The following RARA variants were observed in gnomAD, a reference collection of about 807,000 sequenced individuals.
The protein encoded by RARA is PML-DDX5-RARA fusion.
Under a neutral mutation model 42.8 loss-of-function variants are expected in RARA, and 5 were observed. The ratio of observed to expected loss-of-function variants is 0.12; its 90% CI spans 0.06 to 0.25. The LOEUF is 0.25. Ranked by LOEUF, RARA falls within the 10% of genes least tolerant of loss-of-function variation. The pLI, the probability that RARA is intolerant of heterozygous loss-of-function variation, is 1.00. For synonymous variants in RARA, 256 were observed against 259.5 expected (o/e 0.99, Z 0.13); for missense variants, 402 against 628.7 (o/e 0.64, Z 3.86).
At chr17:40,329,201 C>T (rs1002835601) in intron 1 of RARA, among the ~76,000 whole-genome samples, 4 of 151,714 alleles carry the variant, frequency 2.6e-5, no homozygotes, top group Non-Finnish European at 5.9e-5. Context: ...GACACAATCT[C>T]GGCTCACTGC....
chr17:40,354,548 G>C lies in RARA; in HGVS notation c.1012+42G>C. 6.3e-7 allele frequency: 1 copy of C among 1,593,020 alleles called. No homozygotes were observed. The highest frequency in any genetic ancestry group is 8.6e-7 in the Non-Finnish European group (1 of 1,166,628). ...GGTCTGGGGGCTGGGCTGGGACGGG[G>C]GTGCAGCCCTGGAGTCTCTTCCAGG... On this transcript the variant is annotated intron_variant, in intron 7 of 8. Coordinates refer to ENST00000254066, the MANE Select transcript of RARA (RefSeq NM_000964.4). The surrounding 1 kb of genome is among the most constrained non-coding windows in gnomAD (Gnocchi z 4.5).
At chr17:40,344,254 C>G (rs1025553364) in intron 2 of RARA, among the ~76,000 whole-genome samples, 3 of 152,070 alleles carry the variant, frequency 2.0e-5, no homozygotes, top group African/African-American at 4.8e-5. Flanking sequence ...GTCCTGCCCC[C>G]GACCATTTCC....
Position 40,326,316 on chromosome 17 carries a change from G to T in RARA, c.-362-4541G>T, listed in dbSNP as rs1429240814. ...CCTGTCTGAAATCGCACAGCTCGTT[G>T]TTGAGGTAGGCAGTTCACAGGCGAG... On this transcript the variant is annotated intron_variant, in intron 1 of 8. Transcript: ENST00000254066. The surrounding 1 kb of genome is among the most constrained non-coding windows in gnomAD (Gnocchi z 5.2). Among the ~76,000 whole-genome samples the T allele has an allele frequency of 6.6e-6, 1 of 152,262 alleles. No individual in the cohort carries two copies. Among genetic ancestry groups the T allele is most frequent in the Non-Finnish European group, 1.5e-5 (1 of 68,048 alleles).
chr17:40,331,396 A>C lies in RARA; in HGVS notation c.178A>C (p.Thr60Pro). ...VSGYSTPSPATIETQSSSSEE... is the reference protein window; with the variant it reads ...VSGYSTPSPAPIETQSSSSEE... Reference sequence around the variant, plus strand: ...TGGATATAGCACACCATCCCCAGCCAGTAAGTCTGGGTGTGGGGGCTGGGG... The same window carrying C: ...TGGATATAGCACACCATCCCCAGCCCGTAAGTCTGGGTGTGGGGGCTGGGG... The change falls in exon 2 of 9, where the codon ACC (threonine) becomes CCC (proline). Residue 60 changes from threonine to proline, a missense_variant and splice_region_variant. Transcript: ENST00000254066. 1.2e-6 allele frequency: 2 copies of C among 1,612,518 alleles called. No homozygotes were observed. The highest frequency in any genetic ancestry group is 2.2e-5 in the South Asian group (2 of 90,874).
chr17:40,349,395 C>T (rs192500411), intron 3 of RARA: 5 of 206,628 alleles, frequency 2.4e-5, no homozygotes, highest in East Asian at 1.4e-4. Context: ...CTGGCCTCTT[C>T]GGGCTTGTCT....
intron 2 of RARA, chr17:40,343,029 G>A (rs1304788348): frequency 8.7e-6 from 12 of 1,371,990 alleles, no homozygotes; most frequent in South Asian, 1.7e-5. Context: ...CCTCCCGGCC[G>A]CACCCTCCCC....
chr17:40,348,630 G>T, intron 3 of RARA, 166 bp downstream of exon 3: 1 of 834,466 alleles, frequency 1.2e-6, no homozygotes. Flanking sequence ...TTTCCCCACA[G>T]GTCCTCCCCC....
chr17:40,350,083 G>A (rs1339224847), intron 4 of RARA, 158 bp downstream of exon 4: 2 of 1,175,506 alleles, frequency 1.7e-6, no homozygotes, highest in Admixed American at 2.7e-5. Flanking sequence ...GTGTGTAGCT[G>A]CAAGGACCTG....
intron 2 of RARA, among the ~76,000 whole-genome samples, chr17:40,333,754 A>G (rs747118466): frequency 4.6e-5 from 7 of 150,940 alleles, no homozygotes; most frequent in Non-Finnish European, 7.4e-5. Flanking sequence ...CTACTGCCTC[A>G]GCCTCTCGAG....
At chr17:40,309,520 T>C (rs1175586013) in intron 1 of RARA, among the ~76,000 whole-genome samples, 2 of 152,196 alleles carry the variant, frequency 1.3e-5, no homozygotes, top group Non-Finnish European at 1.5e-5. Flanking sequence ...TCCCGTTCTC[T>C]AGATAAGAGT....
Position 40,356,536 on chromosome 17 carries a change from C to T in RARA, c.*310C>T, listed in dbSNP as rs1410120485. The T allele has an allele frequency of 1.6e-6, 1 of 621,980 alleles. No homozygotes were observed. The highest frequency in any genetic ancestry group is 2.1e-5 in the Admixed American group (1 of 47,330). The allele number at this position is 621,980 out of a possible 1,614,324, so 38.5% of individuals were successfully genotyped here. A position where few individuals can be genotyped will look rare whatever the true frequency, so the allele number is the denominator to read the frequency against. On this transcript the variant is annotated 3_prime_UTR_variant, in exon 9 of 9. Coordinates refer to ENST00000254066, the MANE Select transcript of RARA (RefSeq NM_000964.4). Reference sequence around the variant, plus strand: ...GTGTTCATCAAGACACCCCTCTGCCCAGCTCACCACATCTTCATCACCAGC... The same window carrying T: ...GTGTTCATCAAGACACCCCTCTGCCTAGCTCACCACATCTTCATCACCAGC...
At chr17:40,337,523 C>T (rs1234669701) in intron 2 of RARA, among the ~76,000 whole-genome samples, 9 of 152,178 alleles carry the variant, frequency 5.9e-5, no homozygotes, top group African/African-American at 1.2e-4. Context: ...CAAATCTGCC[C>T]GCTGTAGCCC....
intron 2 of RARA, among the ~76,000 whole-genome samples, chr17:40,332,021 C>T (rs756820908): frequency 1.9e-4 from 29 of 152,330 alleles, no homozygotes; most frequent in Non-Finnish European, 3.1e-4. Flanking sequence ...TGGCCTCGGA[C>T]GCATGCATGG....
intron 2 of RARA, chr17:40,342,133 G>A (rs1314319530): frequency 2.0e-5 from 21 of 1,047,746 alleles, no homozygotes; most frequent in Non-Finnish European, 2.4e-5. Context: ...GGAGGGGAGG[G>A]GGCGCGCAGA....
At chr17:40,332,292 G>A (rs2033718760) in intron 2 of RARA, among the ~76,000 whole-genome samples, 1 of 152,118 alleles carries the variant, frequency 6.6e-6, no homozygotes, top group East Asian at 1.9e-4. Flanking sequence ...GGGAGAGGGT[G>A]GAAGCAGCAG....
At chr17:40,321,672 C>T (rs1310990974) in intron 1 of RARA, among the ~76,000 whole-genome samples, 1 of 152,172 alleles carries the variant, frequency 6.6e-6, no homozygotes, top group Non-Finnish European at 1.5e-5. Context: ...GCTGGACCTC[C>T]AGGCACCACT....
rs1448063021 is a variant in RARA, at chr17:40,356,508, C to T, written c.*282C>T. On this transcript the variant is annotated 3_prime_UTR_variant, in exon 9 of 9. Coordinates refer to ENST00000254066, the MANE Select transcript of RARA (RefSeq NM_000964.4). Reference sequence around the variant, plus strand: ...GGGTCTCAGGATGGGTCCTGGGGGCCTCGTGTTCATCAAGACACCCCTCTG... The same window carrying T: ...GGGTCTCAGGATGGGTCCTGGGGGCTTCGTGTTCATCAAGACACCCCTCTG... The T allele has an allele frequency of 1.5e-6, 1 of 665,902 alleles. No homozygotes were observed. Among genetic ancestry groups the T allele is most frequent in the East Asian group, 2.9e-5 (1 of 34,394 alleles). The allele number at this position is 665,902 out of a possible 1,614,324, so 41.2% of individuals were successfully genotyped here. A position where few individuals can be genotyped will look rare whatever the true frequency, so the allele number is the denominator to read the frequency against.
chr17:40,342,776 C>T, intron 2 of RARA: 1 of 1,612,784 alleles, frequency 6.2e-7, no homozygotes, highest in Non-Finnish European at 8.5e-7. Flanking sequence ...ATAACCAGAA[C>T]CGGGCCTGTT....
chr17:40,348,097 G>T, intron 2 of RARA: 2 of 452,100 alleles, frequency 4.4e-6, no homozygotes. Context: ...GAAGGTGGGG[G>T]TCCTAGGAGT....
Sources: allele counts gnomAD v4.1 joint callset (sites outside exome capture counted in the v4.1 genomes callset), GRCh38; gene constraint gnomAD v4.1.1; non-coding constraint Gnocchi (gnomAD v3.1); transcripts MANE v1.5; gene names NCBI Gene and HGNC (gene_info 2026-07-23, HGNC 2026-07-21).